GPR149: variants seen among roughly 807,000 people sequenced by gnomAD.
GPR149 encodes the protein probable G protein-coupled receptor 149.
GPR149 carries 50 observed loss-of-function variants against 50.2 expected under a neutral mutation model. The ratio of observed to expected loss-of-function variants is 1.00; its 90% CI spans 0.79 to 1.26. The LOEUF (loss-of-function observed/expected upper bound fraction) is 1.26, where lower values mean the gene tolerates loss of function less well. Among genes scored for constraint, GPR149 ranks in the 50% most tolerant of loss-of-function variants. The probability of loss-of-function intolerance (pLI) is 0.00; values close to 1 mark genes in which losing one functional copy is unlikely to be tolerated. For synonymous variants in GPR149, 405 were observed against 358.2 expected, an observed-to-expected ratio of 1.13 and a Z score of -1.48; for missense variants, 983 against 895.4, an observed-to-expected ratio of 1.10 and a Z score of -1.25.
chr3:154,361,656 C>G (rs1714403759), intron 3 of GPR149, among the ~76,000 whole-genome samples: 1 of 152,068 alleles, frequency 6.6e-6, no homozygotes, highest in African/African-American at 2.4e-5. Flanking sequence ...TTTTCTCTAT[C>G]AAAACTTGTT....
In GPR149 at chr3:154,338,014, A is replaced by G. The variant is rs570333193; in HGVS notation, c.1881T>C (p.Asn627=). 6.2e-7 allele frequency: 1 copy of G among 1,614,206 alleles called. No individual in the cohort carries two copies. The highest frequency in any genetic ancestry group is 1.3e-5 in the African/African-American group (1 of 75,058). ...IHLEVLEICD[N]EEALDTVSII... is the part of the protein sequence containing the mutation. ...TTGACACAGTGTCCAAGGCCTCTTC[A>G]TTATCACAAATTTCAAGAACCTCCA... Residue 627 remains asparagine, a synonymous_variant, in exon 4 of 4, where the codon AAT becomes AAC. Coordinates refer to ENST00000389740, the MANE Select transcript of GPR149 (RefSeq NM_001038705.3).
chr3:154,401,822 G>C (rs1332640956), intron 3 of GPR149, among the ~76,000 whole-genome samples: 1 of 152,200 alleles, frequency 6.6e-6, no homozygotes, highest in African/African-American at 2.4e-5. Flanking sequence ...CATTGCAAAA[G>C]ATGGGAAGTT....
intron 3 of GPR149, among the ~76,000 whole-genome samples, chr3:154,393,595 A>G (rs573198271): frequency 4.6e-5 from 7 of 152,154 alleles, no homozygotes; most frequent in South Asian, 2.1e-4. Flanking sequence ...TAGGCAGGAA[A>G]AAAAGGCATG....
chr3:154,410,307 A>G (rs1711800876), intron 3 of GPR149, among the ~76,000 whole-genome samples: 2 of 152,152 alleles, frequency 1.3e-5, no homozygotes, highest in South Asian at 4.1e-4. Flanking sequence ...TAGGACCTAT[A>G]TAACAATAAC....
rs71155003 is a variant in GPR149 at position 154,351,313 on chromosome 3, C to CAAAAA, written c.1624-13047_1624-13043dup. 1.9e-3 allele frequency among the ~76,000 whole-genome samples: 145 copies of CAAAAA among 75,566 alleles called. 2 individuals carry two copies. Among genetic ancestry groups the CAAAAA allele is most frequent in the Non-Finnish European group, 2.7e-3 (115 of 41,980 alleles). The allele number at this position is 75,566 out of a possible 152,430, so 49.6% of individuals were successfully genotyped here. A position where few individuals can be genotyped will look rare whatever the true frequency, so the allele number is the denominator to read the frequency against. On this transcript the variant is annotated intron_variant, in intron 3 of 3. Coordinates refer to ENST00000389740, the MANE Select transcript of GPR149 (RefSeq NM_001038705.3). The stretch of plus-strand genomic sequence containing the variant: ...GCTAGGGCAATTAGACATCCACATA[C>CAAAAA]AAAAAAAAAAAAAAAAAAAAAAAAA...
intron 3 of GPR149, chr3:154,352,452 C>T: frequency 1.2e-6 from 1 of 812,734 alleles, no homozygotes; most frequent in Middle Eastern, 2.9e-4. Context: ...AACATCAAAG[C>T]AAACACCCAT....
chr3:154,403,039 A>T (rs1711585332), intron 3 of GPR149, among the ~76,000 whole-genome samples: 1 of 152,232 alleles, frequency 6.6e-6, no homozygotes, highest in African/African-American at 2.4e-5. Context: ...AAATATTAAC[A>T]GTGTTTTTAA....
intron 3 of GPR149, among the ~76,000 whole-genome samples, chr3:154,420,025 A>T (rs1488772552): frequency 2.6e-5 from 4 of 152,078 alleles, no homozygotes; most frequent in African/African-American, 9.7e-5. Context: ...AAACAATGGT[A>T]TCAGGAGACT....
At chr3:154,339,371 G>A (rs1169240657) in intron 3 of GPR149, among the ~76,000 whole-genome samples, 1 of 152,144 alleles carries the variant, frequency 6.6e-6, no homozygotes, top group Non-Finnish European at 1.5e-5. Context: ...AGGGGTAATG[G>A]TGGAGATAAA....
chr3:154,338,117 C>G lies in GPR149; in HGVS notation c.1778G>C (p.Arg593Pro), dbSNP rs762833127. 6.2e-7 allele frequency: 1 copy of G among 1,614,068 alleles called. No individual in the cohort carries two copies. The change falls in exon 4 of 4, where the codon CGA becomes CCA. Residue 593 changes from arginine to proline, a missense_variant. Transcript: ENST00000389740. ...TPASKKIEVY[R>P]SKSVGHEPNS... ...TGGTTCATGGCCAACACTTTTGGAT[C>G]GATAGACTTCTATTTTCTTAGAGGC...
In GPR149 at chr3:154,335,662, A is replaced by G. The variant is rs1298828493; in HGVS notation, c.*2037T>C. ...TTTAAGCCCTTGTCCAGTTAAAATA[A>G]AATGAGACGGAAAATGGGTATTATT... On this transcript the variant is annotated 3_prime_UTR_variant, in exon 4 of 4. Coordinates refer to ENST00000389740, the MANE Select transcript of GPR149 (RefSeq NM_001038705.3). 2.6e-5 allele frequency: 4 copies of G among 152,170 alleles called. No individual in the cohort carries two copies. Among genetic ancestry groups the G allele is most frequent in the Non-Finnish European group, 4.4e-5 (3 of 67,988 alleles). The allele number at this position is 152,170 out of a possible 1,614,324, so 9.4% of individuals were successfully genotyped here. A position where few individuals can be genotyped will look rare whatever the true frequency, so the allele number is the denominator to read the frequency against.
intron 3 of GPR149, among the ~76,000 whole-genome samples, chr3:154,416,248 T>C (rs537185129): frequency 6.6e-6 from 1 of 151,812 alleles, no homozygotes; most frequent in African/African-American, 2.4e-5. Context: ...CTCATGCGCA[T>C]TCTCTAGCCA....
At chr3:154,379,537 T>C (rs1714869587) in intron 3 of GPR149, among the ~76,000 whole-genome samples, 1 of 152,164 alleles carries the variant, frequency 6.6e-6, no homozygotes, top group African/African-American at 2.4e-5. Flanking sequence ...CACAGTAATT[T>C]TTTCCTAAAT....
intron 3 of GPR149, among the ~76,000 whole-genome samples, chr3:154,412,802 T>C (rs1711873309): frequency 2.0e-5 from 3 of 151,746 alleles, no homozygotes; most frequent in Admixed American, 2.0e-4. Flanking sequence ...AGAAAAACAA[T>C]CCTAAAATTC....
intron 3 of GPR149, among the ~76,000 whole-genome samples, chr3:154,396,766 C>G (rs1715302499): frequency 6.6e-6 from 1 of 151,874 alleles, no homozygotes; most frequent in Admixed American, 6.6e-5. Context: ...GTCTTTTTAA[C>G]ACTTTAGCTC....
Position 154,429,424 on chromosome 3 carries a change from T to C in GPR149, c.192A>G (p.Arg64=). The C allele has an allele frequency of 6.2e-7, 1 of 1,614,096 alleles. No homozygotes were observed. Among genetic ancestry groups the C allele is most frequent in the Non-Finnish European group, 8.5e-7 (1 of 1,180,022 alleles). Residue 64 remains arginine, a synonymous_variant, in exon 1 of 4, where the codon AGA becomes AGG. Coordinates refer to ENST00000389740, the MANE Select transcript of GPR149 (RefSeq NM_001038705.3). ...AAGCCACAAGCATGGACACAACAGTTCTGTTCTGCATTTTCAGCAGGGAAA... is the reference window on the plus strand; with the variant it reads ...AAGCCACAAGCATGGACACAACAGTCCTGTTCTGCATTTTCAGCAGGGAAA... ...SLISLLKMQN[R]TVVSMLVASW... is the part of the protein sequence containing the mutation.
At chr3:154,377,796 C>A (rs1263507722) in intron 3 of GPR149, among the ~76,000 whole-genome samples, 4 of 152,116 alleles carry the variant, frequency 2.6e-5, no homozygotes, top group Non-Finnish European at 5.9e-5. Context: ...TCACCACAAT[C>A]CAGTTTTAGA....
At chr3:154,414,674 T>G (rs1711937891) in intron 3 of GPR149, among the ~76,000 whole-genome samples, 1 of 152,002 alleles carries the variant, frequency 6.6e-6, no homozygotes, top group African/African-American at 2.4e-5. Flanking sequence ...TCATGTACCT[T>G]TTGAGATGAT....
Position 154,415,116 on chromosome 3 carries a change from T to C in GPR149, c.1623+5923A>G, listed in dbSNP as rs958507522. Among the ~76,000 whole-genome samples, 3 of 148,776 alleles carry C rather than the reference T, an allele frequency of 2.0e-5. No individual in the cohort carries two copies. The East Asian group carries it at 5.8e-4, about 29-fold the overall frequency. On this transcript the variant is annotated intron_variant, in intron 3 of 3. Transcript: ENST00000389740. Reference sequence around the variant, plus strand: ...TAAAAAGTTTAAAAAATGTAGTGAGTTCCTAGTCACTTGAGTTCAAGTAGA... The same window carrying C: ...TAAAAAGTTTAAAAAATGTAGTGAGCTCCTAGTCACTTGAGTTCAAGTAGA...
Sources: allele counts gnomAD v4.1 joint callset (sites outside exome capture counted in the v4.1 genomes callset), GRCh38; gene constraint gnomAD v4.1.1; transcripts MANE v1.5; gene names NCBI Gene and HGNC (gene_info 2026-07-23, HGNC 2026-07-21).